LAMA2: variants seen among roughly 807,000 people sequenced by gnomAD.
LAMA2 encodes laminin subunit alpha 2.
A neutral mutation model predicts 364.8 loss-of-function variants in LAMA2; 269 were observed. That is an observed-to-expected ratio of 0.74 (90% CI 0.67 to 0.82). The LOEUF (loss-of-function observed/expected upper bound fraction) is 0.82. LAMA2 is among the 40% of genes least tolerant of loss of function. LAMA2 has a pLI of 0.00. For missense variants in LAMA2, 3,807 were observed against 3,873.2 expected, an observed-to-expected ratio of 0.98 and a Z score of 0.45; for synonymous variants, 1,379 against 1,370.6, an observed-to-expected ratio of 1.01 and a Z score of -0.14.
At position 129,078,840 on chromosome 6, in the gene LAMA2, GTC is replaced by G. The variant is rs570902434; in HGVS notation, c.396+18948_396+18949del. ...CCTGGCAAACACTATTCTACCTTCTGTCTCTATAAATTTGATCATTCTGGGCA... is the reference window on the plus strand; with the variant it reads ...CCTGGCAAACACTATTCTACCTTCTGTCTATAAATTTGATCATTCTGGGCA... On this transcript the variant is annotated intron_variant, in intron 3 of 64. Coordinates refer to ENST00000421865, the MANE Select transcript of LAMA2 (RefSeq NM_000426.4). Among the ~76,000 whole-genome samples the G allele has an allele frequency of 1.5e-3, 232 of 152,168 alleles. 1 individual carries two copies. The highest frequency in any genetic ancestry group is 4.8e-3 in the South Asian group (23 of 4,820).
intron 1 of LAMA2, among the ~76,000 whole-genome samples, chr6:128,956,309 T>G (rs1020871135): frequency 6.6e-6 from 1 of 152,080 alleles, no homozygotes; most frequent in African/African-American, 2.4e-5. Flanking sequence ...AAATTGGAAC[T>G]ATGCCACCAG....
chr6:129,193,604 C>T (rs375871280), intron 12 of LAMA2, among the ~76,000 whole-genome samples: 16 of 152,114 alleles, frequency 1.1e-4, no homozygotes, highest in African/African-American at 3.4e-4. Flanking sequence ...TATTTATAAA[C>T]GTGAATACTT....
At chr6:129,250,780 C>T (rs1270445712) in intron 13 of LAMA2, among the ~76,000 whole-genome samples, 1 of 152,056 alleles carries the variant, frequency 6.6e-6, no homozygotes, top group Non-Finnish European at 1.5e-5. Context: ...CATATCCATT[C>T]TTTCCAATAA....
intron 40 of LAMA2, among the ~76,000 whole-genome samples, chr6:129,424,293 T>G (rs1444446014): frequency 6.6e-6 from 1 of 151,716 alleles, no homozygotes; most frequent in Admixed American, 6.6e-5. Flanking sequence ...AAGAAAAATC[T>G]TTGTGATCTT....
At chr6:129,044,338 C>T (rs1042100475) in intron 1 of LAMA2, among the ~76,000 whole-genome samples, 11 of 151,914 alleles carry the variant, frequency 7.2e-5, no homozygotes, top group African/African-American at 2.4e-4. Context: ...CATTTGAAAC[C>T]AAAAAGTGGG....
rs769611474 is a variant in LAMA2, at chr6:129,297,716, G to A, written c.2888G>A (p.Gly963Asp). The change falls in exon 21 of 65, where the codon GGC becomes GAC. Residue 963 changes from glycine to aspartate, a missense_variant. Physicochemically the swap from Gly to Asp is moderately conservative, Grantham distance 94 (BLOSUM62 -1). This residue lies in a region of LAMA2 where 3,333 missense variants were observed against 3,345.7 expected (regional missense o/e 1.00). Coordinates refer to ENST00000421865, the MANE Select transcript of LAMA2 (RefSeq NM_000426.4). The part of the protein sequence containing the change: ...AGTFGLQSAR[G>D]CVPCNCNSFG... The stretch of plus-strand genomic sequence containing the variant: ...ACCTTTGGCCTACAATCAGCAAGGG[G>A]CTGTGTTCCCTGCAACTGCAATTCT... The A allele has an allele frequency of 2.5e-6, 4 of 1,614,016 alleles. No individual in the cohort carries two copies. Among genetic ancestry groups the A allele is most frequent in the Admixed American group, 1.7e-5 (1 of 60,028 alleles).
chr6:129,125,181 T>TGG (rs1777039719), intron 4 of LAMA2, among the ~76,000 whole-genome samples: 1 of 152,154 alleles, frequency 6.6e-6, no homozygotes, highest in South Asian at 2.1e-4. Flanking sequence ...AGGATTGAGT[T>TGG]GCTTTGAAAT....
intron 5 of LAMA2, among the ~76,000 whole-genome samples, chr6:129,146,426 T>A (rs1778454698): frequency 6.6e-6 from 1 of 152,014 alleles, no homozygotes; most frequent in Non-Finnish European, 1.5e-5. Context: ...GCAAATGTTC[T>A]GCACAATAAA....
chr6:129,246,636 A>C (rs980580647), intron 12 of LAMA2, among the ~76,000 whole-genome samples: 3 of 152,174 alleles, frequency 2.0e-5, no homozygotes, highest in Non-Finnish European at 4.4e-5. Flanking sequence ...ATAGCTCATT[A>C]AACTTTCCCT....
intron 20 of LAMA2, among the ~76,000 whole-genome samples, 181 bp from the exon 21 acceptor site, chr6:129,297,504 C>T (rs978930072): frequency 2.0e-5 from 3 of 152,140 alleles, no homozygotes; most frequent in Non-Finnish European, 2.9e-5. Context: ...GAACTTTTCT[C>T]TTTGGATATC....
At chr6:128,931,758 A>G (rs1353493835) in intron 1 of LAMA2, among the ~76,000 whole-genome samples, 1 of 152,166 alleles carries the variant, frequency 6.6e-6, no homozygotes, top group Non-Finnish European at 1.5e-5. Flanking sequence ...TTTAGCTTTC[A>G]AGCATTTCTT....
chr6:128,910,265 C>G (rs1777812791), intron 1 of LAMA2, among the ~76,000 whole-genome samples: 1 of 152,260 alleles, frequency 6.6e-6, no homozygotes, highest in Non-Finnish European at 1.5e-5. Flanking sequence ...CCGTCACTTT[C>G]AGGTACACCA....
intron 1 of LAMA2, among the ~76,000 whole-genome samples, chr6:128,969,843 A>G (rs1441954143): frequency 6.6e-6 from 1 of 152,236 alleles, no homozygotes; most frequent in Non-Finnish European, 1.5e-5. Flanking sequence ...TTTAGGAACA[A>G]CTGGTATTTG....
rs148732116 is a variant in LAMA2, at chr6:128,925,958, A to G, written c.112+42601A>G. 3.8e-3 allele frequency among the ~76,000 whole-genome samples: 579 copies of G among 152,206 alleles called. 4 individuals are homozygous for G. Among genetic ancestry groups the G allele is most frequent in the African/African-American group, 0.013 (557 of 41,542 alleles). On this transcript the variant is annotated intron_variant, in intron 1 of 64. Coordinates refer to ENST00000421865, the MANE Select transcript of LAMA2 (RefSeq NM_000426.4). ...GCCATTTTATTCTCTTCTCTGCCAC[A>G]TTCTTTGTGGTTCTGTCTCCACTGG...
chr6:129,136,955 G>A (rs914388658), intron 4 of LAMA2, among the ~76,000 whole-genome samples: 1 of 152,126 alleles, frequency 6.6e-6, no homozygotes, highest in Non-Finnish European at 1.5e-5. Flanking sequence ...ATGGGTTACA[G>A]GTCACCCATC....
intron 12 of LAMA2, among the ~76,000 whole-genome samples, chr6:129,194,256 T>C (rs1467481712): frequency 6.6e-6 from 1 of 152,026 alleles, no homozygotes; most frequent in Non-Finnish European, 1.5e-5. Context: ...TAGGTCAAAA[T>C]TGGATGAATT....
intron 1 of LAMA2, among the ~76,000 whole-genome samples, chr6:128,913,353 AT>A (rs533447658): frequency 6.6e-6 from 1 of 152,150 alleles, no homozygotes; most frequent in Non-Finnish European, 1.5e-5. Flanking sequence ...CATTATAATT[AT>A]TTATTCGACT....
chr6:128,891,785 A>G (rs1300774986), intron 1 of LAMA2, among the ~76,000 whole-genome samples: 1 of 152,052 alleles, frequency 6.6e-6, no homozygotes, highest in Non-Finnish European at 1.5e-5. Context: ...GTGCTGCAGT[A>G]TTTCTTTATT....
chr6:129,386,256 A>C (rs374716749), intron 35 of LAMA2, among the ~76,000 whole-genome samples: 5 of 152,222 alleles, frequency 3.3e-5, no homozygotes, highest in African/African-American at 1.2e-4. Context: ...GTGATAGTGC[A>C]TACTTTTGAA....
Sources: allele counts gnomAD v4.1 joint callset (sites outside exome capture counted in the v4.1 genomes callset), GRCh38; gene constraint gnomAD v4.1.1; regional missense constraint gnomAD v4.1.1; transcripts MANE v1.5; gene names NCBI Gene and HGNC (gene_info 2026-07-23, HGNC 2026-07-21).